Variants in ARHGEF6 observed in about 807,000 individuals in gnomAD.
ARHGEF6 encodes rho guanine nucleotide exchange factor 6.
In ARHGEF6, 9 loss-of-function variants were observed where a neutral mutation model predicts 70.3. That is an observed-to-expected ratio of 0.13 (90% CI 0.08 to 0.22). ARHGEF6 has a LOEUF of 0.22. Ranked by LOEUF, ARHGEF6 falls within the 10% of genes least tolerant of loss-of-function variation. ARHGEF6 has a pLI of 1.00. For missense variants in ARHGEF6, 470 were observed against 563.0 expected (o/e 0.83, Z 1.67); for synonymous variants, 201 against 207.8 (o/e 0.97, Z 0.28).
chrX:136,682,613 A>G, intron 13 of ARHGEF6, 145 bp downstream of exon 13: 1 of 487,183 alleles, frequency 2.1e-6, no homozygotes. Flanking sequence ...ATCTGCTCTT[A>G]CAAGCTCTTT....
chrX:136,735,998 G>T (rs905196618), intron 5 of ARHGEF6, among the ~76,000 whole-genome samples: 2 of 111,908 alleles, frequency 1.8e-5, no homozygotes, highest in African/African-American at 6.5e-5. Context: ...TTAGAAGAAG[G>T]ATTTGATGCC....
chrX:136,706,267 A>T (rs1490627400), intron 9 of ARHGEF6, among the ~76,000 whole-genome samples: 2 of 111,884 alleles, frequency 1.8e-5, no homozygotes, highest in African/African-American at 6.5e-5. Context: ...TTCATCATGA[A>T]TCGGAAGCAA....
chrX:136,671,742 G>A (rs902186286), intron 20 of ARHGEF6, among the ~76,000 whole-genome samples: 4 of 112,359 alleles, frequency 3.6e-5, no homozygotes, highest in Non-Finnish European at 7.5e-5. Flanking sequence ...ATTCCCATGT[G>A]CTCAGAAGCA....
chrX:136,687,095 C>A (rs1260563126), intron 11 of ARHGEF6, among the ~76,000 whole-genome samples: 2 of 111,118 alleles, frequency 1.8e-5, no homozygotes, highest in African/African-American at 6.5e-5. Context: ...ATAATAAATG[C>A]TGTGGGTTTC....
chrX:136,763,694 A>G (rs967063298), intron 2 of ARHGEF6, among the ~76,000 whole-genome samples: 3 of 111,422 alleles, frequency 2.7e-5, no homozygotes, highest in African/African-American at 9.8e-5. Flanking sequence ...GCGTGGTGGT[A>G]TGTGCCTGTA....
chrX:136,695,172 C>T lies in ARHGEF6; in HGVS notation c.1047-4424G>A, dbSNP rs183727318. Among the ~76,000 whole-genome samples the T allele has an allele frequency of 7.1e-5, 8 of 111,898 alleles. No homozygotes were observed. The East Asian group carries it at 2.2e-3, about 31-fold the overall frequency. ...GCCTTTAATAGGTCAGCATAAATTGCCACTAGATGCATGTAAAATAGTTGA... is the reference window on the plus strand; with the variant it reads ...GCCTTTAATAGGTCAGCATAAATTGTCACTAGATGCATGTAAAATAGTTGA... On this transcript the variant is annotated intron_variant, in intron 9 of 21. Transcript: ENST00000250617.
chrX:136,681,361 C>G (rs1188088543), intron 14 of ARHGEF6, among the ~76,000 whole-genome samples: 16 of 112,220 alleles, frequency 1.4e-4, no homozygotes, highest in Non-Finnish European at 9.4e-5. Context: ...TCAGCACCAA[C>G]AGTCAGGCCA....
At chrX:136,676,875 T>C in intron 17 of ARHGEF6, 158 bp from the exon 18 acceptor site, 2 of 473,846 alleles carry the variant, frequency 4.2e-6, no homozygotes, top group Middle Eastern at 1.2e-3. Flanking sequence ...ATGGTTCCAA[T>C]AAACTCTAAA....
chrX:136,780,445 C>A (rs1431322364), intron 1 of ARHGEF6, among the ~76,000 whole-genome samples: 1 of 111,715 alleles, frequency 9.0e-6, no homozygotes, highest in Non-Finnish European at 1.9e-5. Context: ...CATGATAGAG[C>A]AAGCTTGTGA....
At chrX:136,729,467 C>CAAAAAA (rs749398050) in intron 6 of ARHGEF6, among the ~76,000 whole-genome samples, 72 of 12,343 alleles carry the variant, frequency 5.8e-3, no homozygotes, top group Non-Finnish European at 6.8e-3. Flanking sequence ...GACTCCATCT[C>CAAAAAA]AAAAAAAAAA....
chrX:136,744,839 G>T (rs2077078833), intron 4 of ARHGEF6, among the ~76,000 whole-genome samples: 1 of 112,075 alleles, frequency 8.9e-6, no homozygotes, highest in African/African-American at 3.2e-5. Context: ...ATAATAATGA[G>T]GATACTAATC....
chrX:136,765,165 G>A (rs1447773408), intron 2 of ARHGEF6, among the ~76,000 whole-genome samples: 2 of 111,654 alleles, frequency 1.8e-5, no homozygotes, highest in Non-Finnish European at 3.8e-5. Flanking sequence ...GTGTTGCAAG[G>A]GCTAAATATG....
At chrX:136,751,460 C>T (rs1337763549) in intron 2 of ARHGEF6, among the ~76,000 whole-genome samples, 1 of 112,026 alleles carries the variant, frequency 8.9e-6, no homozygotes, top group Non-Finnish European at 1.9e-5. Context: ...ATTTACTGAG[C>T]TCCTGCTATG....
intron 11 of ARHGEF6, among the ~76,000 whole-genome samples, chrX:136,686,619 T>TATAC (rs1237268270): frequency 2.7e-5 from 2 of 73,070 alleles, no homozygotes; most frequent in Middle Eastern, 5.6e-3. Flanking sequence ...TATATATATA[T>TATAC]ATACACATAT....
At chrX:136,724,274 T>C (rs1291240231) in intron 6 of ARHGEF6, among the ~76,000 whole-genome samples, 1 of 108,302 alleles carries the variant, frequency 9.2e-6, no homozygotes, top group African/African-American at 3.4e-5. Flanking sequence ...GAAGCGGGGT[T>C]TCACCATATT....
chrX:136,701,865 G>A lies in ARHGEF6; in HGVS notation c.1046+5043C>T, dbSNP rs1338680382. On this transcript the variant is annotated intron_variant, in intron 9 of 21. Transcript: ENST00000250617. ...TGGGACTACAGGCGCCCACCACCAC[G>A]CCCGGCTAATTTTTTGTATTTTTAG... Among the ~76,000 whole-genome samples, 5 of 107,979 alleles carry A rather than the reference G, an allele frequency of 4.6e-5. No individual in the cohort carries two copies. In the East Asian group the frequency reaches 8.6e-4, roughly 19 times the overall value. The allele number at this position is 107,979 out of a possible 115,157, so 93.8% of individuals were successfully genotyped here.
intron 5 of ARHGEF6, among the ~76,000 whole-genome samples, chrX:136,734,936 C>T (rs913120761): frequency 1.4e-4 from 16 of 110,701 alleles, no homozygotes; most frequent in African/African-American, 4.6e-4. Context: ...AACACCTATT[C>T]GAAAAAAAAT....
intron 6 of ARHGEF6, among the ~76,000 whole-genome samples, chrX:136,731,387 G>A (rs1365876425): frequency 1.8e-5 from 2 of 111,786 alleles, no homozygotes; most frequent in African/African-American, 6.5e-5. Context: ...GCAGGGCCGG[G>A]GGAATGACAA....
intron 3 of ARHGEF6, 54 bp from the exon 4 acceptor site, chrX:136,745,401 C>T (rs2148661613): frequency 8.5e-7 from 1 of 1,177,985 alleles, no homozygotes; most frequent in South Asian, 1.8e-5. Context: ...AGAAAAACAT[C>T]TACCGCATAA....
Sources: allele counts gnomAD v4.1 joint callset (sites outside exome capture counted in the v4.1 genomes callset), GRCh38; gene constraint gnomAD v4.1.1; transcripts MANE v1.5; gene names NCBI Gene and HGNC (gene_info 2026-07-23, HGNC 2026-07-21).